Variants in SBNO2 observed in about 807,000 individuals in gnomAD.
The protein encoded by SBNO2 is strawberry notch homolog 2, also known as protein strawberry notch homolog 2.
Under a neutral mutation model 146.3 loss-of-function variants are expected in SBNO2, and 89 were observed. That is an observed-to-expected ratio of 0.61 (90% CI 0.51 to 0.73). The LOEUF (loss-of-function observed/expected upper bound fraction) is 0.73. SBNO2 is among the 30% of genes least tolerant of loss of function. The pLI, the probability that SBNO2 is intolerant of heterozygous loss-of-function variation, is 0.00. For missense variants in SBNO2, 2,092 were observed against 2,003.7 expected, an observed-to-expected ratio of 1.04 and a Z score of -0.84; for synonymous variants, 1,147 against 892.6, an observed-to-expected ratio of 1.29 and a Z score of -5.08.
At chr19:1,124,417 C>T (rs1357044046) in intron 5 of SBNO2, among the ~76,000 whole-genome samples, 1 of 152,154 alleles carries the variant, frequency 6.6e-6, no homozygotes, top group African/African-American at 2.4e-5. Context: ...GTGCCAGCCC[C>T]ATGCAGTGCA....
chr19:1,132,329 G>A, intron 4 of SBNO2: 1 of 1,278,654 alleles, frequency 7.8e-7, no homozygotes, highest in South Asian at 2.3e-5. Context: ...CTGACTTTCA[G>A]GAAATGATGC....
At position 1,149,499 on chromosome 19, in the gene SBNO2, G is replaced by A. The variant is rs1486588381; in HGVS notation, c.94-57C>T. 24 of 1,486,406 alleles carry A rather than the reference G, an allele frequency of 1.6e-5. 1 individual carries two copies. In the Middle Eastern group the frequency reaches 8.6e-4, roughly 53 times the overall value. The allele number at this position is 1,486,406 out of a possible 1,614,324, so 92.1% of individuals were successfully genotyped here. ...AAGCAGAGGACCTGCGGTGCAGCCC[G>A]GCTAAGCCCTCCGGGCAGGGTGACA... On this transcript the variant is annotated intron_variant, in intron 2 of 31. Coordinates refer to ENST00000361757, the MANE Select transcript of SBNO2 (RefSeq NM_014963.3).
rs981366474 is a variant in SBNO2, at chr19:1,173,209, C to T, written c.-127+963G>A. Among the ~76,000 whole-genome samples the T allele has an allele frequency of 9.2e-5, 14 of 152,032 alleles. 1 individual carries two copies. Among genetic ancestry groups the T allele is most frequent in the Admixed American group, 8.5e-4 (13 of 15,270 alleles). ...GGACTCTGGGGTGGTGGGAAGAGTG[C>T]CCTACGGGGGACAGGACCCACCAGG... On this transcript the variant is annotated intron_variant, in intron 1 of 31. Transcript: ENST00000361757. The surrounding 1 kb of genome is among the most constrained non-coding windows in gnomAD (Gnocchi z 4.7).
chr19:1,117,671 G>A (rs995705859), intron 14 of SBNO2, among the ~76,000 whole-genome samples, 172 bp from the exon 15 acceptor site: 2 of 152,228 alleles, frequency 1.3e-5, no homozygotes, highest in Admixed American at 6.5e-5. Context: ...CTACCTGTAC[G>A]GCAAAAACCT....
At chr19:1,134,980 A>C (rs1331404186) in intron 4 of SBNO2, among the ~76,000 whole-genome samples, 2 of 139,792 alleles carry the variant, frequency 1.4e-5, no homozygotes, top group African/African-American at 5.6e-5. Context: ...CGGGAGGCAG[A>C]GGTTACAGTG....
At chr19:1,167,854 CCGGCCACTGA>C (rs2080440900) in intron 1 of SBNO2, among the ~76,000 whole-genome samples, 3 of 152,224 alleles carry the variant, frequency 2.0e-5, no homozygotes. Flanking sequence ...AGGAGCAAAG[CCGGCCACTGA>C]GTACGGGAGC....
In SBNO2 at chr19:1,122,291, G is replaced by A; in HGVS notation, c.1006-9C>T. The A allele has an allele frequency of 1.9e-6, 3 of 1,553,456 alleles. No homozygotes were observed. The highest frequency in any genetic ancestry group is 2.6e-6 in the Non-Finnish European group (3 of 1,147,754). ...GTGTCACCGTACTTGATCTGGGGATGCACAGAACAGGTGTGGAATGGGGCC... is the reference window on the plus strand; with the variant it reads ...GTGTCACCGTACTTGATCTGGGGATACACAGAACAGGTGTGGAATGGGGCC... On this transcript the variant is annotated splice_polypyrimidine_tract_variant and intron_variant, in intron 10 of 31. Transcript: ENST00000361757.
rs749677081 is a variant in SBNO2 at position 1,112,393 on chromosome 19, C to T, written c.2515+9G>A. ...GGCCAGGCAGCGCTGGGGGCGGGGC[C>T]GGACTCACCGAACTGCTGGATGGCG... On this transcript the variant is annotated intron_variant, in intron 21 of 31. Coordinates refer to ENST00000361757, the MANE Select transcript of SBNO2 (RefSeq NM_014963.3). The surrounding 1 kb of genome is among the most constrained non-coding windows in gnomAD (Gnocchi z 5.9). The T allele has an allele frequency of 4.4e-5, 71 of 1,596,746 alleles. No homozygotes were observed. The highest frequency in any genetic ancestry group is 5.4e-5 in the Non-Finnish European group (64 of 1,175,220).
chr19:1,112,955 G>T lies in SBNO2; in HGVS notation c.2248-6C>A. 1 of 1,557,748 alleles carries T rather than the reference G, an allele frequency of 6.4e-7. No individual in the cohort carries two copies. The highest frequency in any genetic ancestry group is 1.2e-5 in the South Asian group (1 of 84,816). ...CGGCCTTTCCTGCCGGTCATCTGCA[G>T]CCGAGACAGGGACAAAACCGGCCGT... On this transcript the variant is annotated splice_polypyrimidine_tract_variant and splice_region_variant and intron_variant, in intron 19 of 31. Transcript: ENST00000361757. This position sits in a 1 kb window ranked among gnomAD's most constrained non-coding sequence, Gnocchi z 5.9.
At chr19:1,113,449 C>T in intron 19 of SBNO2, 86 bp downstream of exon 19, 1 of 1,191,166 alleles carries the variant, frequency 8.4e-7, no homozygotes. Flanking sequence ...CCAGCAGGGG[C>T]CACCAGAGCT....
At chr19:1,118,422 G>A (rs2079858873) in intron 14 of SBNO2, among the ~76,000 whole-genome samples, 1 of 152,186 alleles carries the variant, frequency 6.6e-6, no homozygotes, top group African/African-American at 2.4e-5. Context: ...AAACATGGAG[G>A]GAACGACCAA....
At position 1,117,379 on chromosome 19, in the gene SBNO2, C is replaced by A. The variant is rs866761272; in HGVS notation, c.1648G>T (p.Ala550Ser). 5 of 1,587,114 alleles carry A rather than the reference C, an allele frequency of 3.2e-6. No individual in the cohort carries two copies. Among genetic ancestry groups the A allele is most frequent in the East Asian group, 2.3e-5 (1 of 43,378 alleles). Residue 550 changes from alanine to serine, a missense_variant, in exon 15 of 32, where the codon GCA becomes TCA. Transcript: ENST00000361757. ...HQRFFKYLCI[A>S]AKVRRLVELA... ...TCCACCAGCCGGCGCACCTTGGCTGCGATGCACAGATACTTGAAGAAGCGC... is the reference window on the plus strand; with the variant it reads ...TCCACCAGCCGGCGCACCTTGGCTGAGATGCACAGATACTTGAAGAAGCGC...
rs1401607399 is a variant in SBNO2, at chr19:1,110,646, C to G, written c.3028+99G>C. On this transcript the variant is annotated intron_variant, in intron 26 of 31. Transcript: ENST00000361757. This position sits in a 1 kb window ranked among gnomAD's most constrained non-coding sequence, Gnocchi z 4.9. ...GAGCCCCTCGCCCACCCGGGATGCC[C>G]GGTGTTCCCACGAGCCCCGAGCCCA... 4 of 1,403,314 alleles carry G rather than the reference C, an allele frequency of 2.9e-6. No individual in the cohort carries two copies. In the African/African-American group the frequency reaches 5.8e-5, roughly 20 times the overall value. 86.9% of individuals were successfully genotyped at this position (1,403,314 alleles called of 1,614,324 possible). A position where few individuals can be genotyped will look rare whatever the true frequency, so the allele number is the denominator to read the frequency against.
intron 14 of SBNO2, among the ~76,000 whole-genome samples, chr19:1,118,385 G>A (rs370767559): frequency 2.6e-5 from 4 of 152,070 alleles, no homozygotes; most frequent in Non-Finnish European, 4.4e-5. Context: ...GCTGTTGGGC[G>A]TGAGGGGGAG....
intron 2 of SBNO2, 96 bp downstream of exon 2, chr19:1,154,088 G>T: frequency 1.8e-6 from 1 of 545,418 alleles, no homozygotes; most frequent in Non-Finnish European, 2.8e-6. Flanking sequence ...CGCGTCCACT[G>T]GGGCAGCATT....
In SBNO2 at chr19:1,130,459, G is replaced by A. The variant is rs372038057; in HGVS notation, c.280-2694C>T. On this transcript the variant is annotated intron_variant, in intron 4 of 31. Transcript: ENST00000361757. ...GTGAGCTATAATTGCGCCACTGCAC[G>A]CCAGCCTGGGAGACAGAGCGAGACC... 6.7e-5 allele frequency among the ~76,000 whole-genome samples: 10 copies of A among 149,778 alleles called. No individual in the cohort carries two copies. In the East Asian group the frequency reaches 9.9e-4, roughly 15 times the overall value.
intron 4 of SBNO2, among the ~76,000 whole-genome samples, chr19:1,143,694 C>T (rs371682232): frequency 3.9e-5 from 6 of 152,144 alleles, no homozygotes; most frequent in African/African-American, 1.4e-4. Context: ...CTTCCCGTCT[C>T]TCTCTGGCTC....
chr19:1,110,761 G>A lies in SBNO2; in HGVS notation c.3012C>T (p.Tyr1004=), dbSNP rs768931971. Residue 1004 remains tyrosine (Y), a synonymous_variant, in exon 26 of 32, where the codon TAC becomes TAT. Transcript: ENST00000361757. The surrounding 1 kb of genome is among the most constrained non-coding windows in gnomAD (Gnocchi z 4.9). ...TGTGCTCACCCAGGATGCCCATGTC[G>A]TATTTGCCCTCCCGCTTGTCCATCT... ...LIEMDKREGK[Y]DMGILDLAPG... 1.5e-5 allele frequency: 24 copies of A among 1,613,420 alleles called. No homozygotes were observed. The highest frequency in any genetic ancestry group is 4.5e-5 in the East Asian group (2 of 44,848).
At chr19:1,134,553 G>A (rs1463071418) in intron 4 of SBNO2, among the ~76,000 whole-genome samples, 3 of 151,064 alleles carry the variant, frequency 2.0e-5, no homozygotes, top group African/African-American at 4.9e-5. Flanking sequence ...AGAAGGCCAC[G>A]CAGTGTGTGA....
Sources: allele counts gnomAD v4.1 joint callset (sites outside exome capture counted in the v4.1 genomes callset), GRCh38; gene constraint gnomAD v4.1.1; non-coding constraint Gnocchi (gnomAD v3.1); transcripts MANE v1.5; gene names NCBI Gene and HGNC (gene_info 2026-07-23, HGNC 2026-07-21).